The following C11orf65 variants were observed in gnomAD, a reference collection of about 807,000 sequenced individuals.
The protein encoded by C11orf65 is chromosome 11 open reading frame 65.
A neutral mutation model predicts 35.3 loss-of-function variants in C11orf65; 38 were observed. That is an observed-to-expected ratio of 1.08 (90% CI 0.83 to 1.41). The LOEUF is 1.41. C11orf65 is among the 40% of genes most tolerant of loss of function. The probability of loss-of-function intolerance (pLI) is 0.00; values close to 1 mark genes in which losing one functional copy is unlikely to be tolerated. For missense variants in C11orf65, 370 were observed against 367.1 expected (o/e 1.01, Z -0.06); for synonymous variants, 105 against 114.4 (o/e 0.92, Z 0.53).
At chr11:108,331,846 A>C in intron 3 of C11orf65, 1 of 1,604,576 alleles carries the variant, frequency 6.2e-7, no homozygotes, top group South Asian at 1.1e-5. Context: ...TTTTTTGTTT[A>C]TTTGCATAAA....
intron 7 of C11orf65, among the ~76,000 whole-genome samples, chr11:108,387,308 C>A (rs186945494): frequency 0.011 from 1,597 of 151,710 alleles, 21 homozygotes; most frequent in African/African-American, 0.036. Flanking sequence ...GTGCCTGCCA[C>A]CACGCCCGGC....
At chr11:108,331,834 A>AT (rs1433326450) in intron 3 of C11orf65, 3 of 1,591,304 alleles carry the variant, frequency 1.9e-6, no homozygotes, top group Middle Eastern at 1.7e-4. Context: ...TATGGATTAT[A>AT]TTTTTTTGTT....
chr11:108,331,766 C>T (rs532289002), intron 3 of C11orf65: 1 of 1,361,986 alleles, frequency 7.3e-7, no homozygotes, highest in Non-Finnish European at 1.0e-6. Context: ...CATACACGCT[C>T]TACCCACTGC....
At chr11:108,453,873 T>C (rs985766031) in intron 2 of C11orf65, among the ~76,000 whole-genome samples, 1 of 152,254 alleles carries the variant, frequency 6.6e-6, no homozygotes, top group African/African-American at 2.4e-5. Flanking sequence ...TATGATAGCA[T>C]CCTCATCTGG....
At chr11:108,363,517 G>T (rs1591376358) in intron 2 of C11orf65, among the ~76,000 whole-genome samples, 1 of 152,112 alleles carries the variant, frequency 6.6e-6, no homozygotes, top group Non-Finnish European at 1.5e-5. Flanking sequence ...GCAATGTCTG[G>T]AGGCATTTTT....
intron 2 of C11orf65, among the ~76,000 whole-genome samples, chr11:108,352,083 C>A (rs192575393): frequency 6.6e-6 from 1 of 152,086 alleles, no homozygotes; most frequent in African/African-American, 2.4e-5. Context: ...TCCTGAGTCT[C>A]GTAATAACTA....
chr11:108,423,596 C>T (rs2092853227), intron 3 of C11orf65, among the ~76,000 whole-genome samples: 1 of 152,168 alleles, frequency 6.6e-6, no homozygotes, highest in South Asian at 2.1e-4. Context: ...GATCCCTGAC[C>T]CCCATGCCTC....
rs1215932640 is a variant in C11orf65 at position 108,358,598 on chromosome 11, C to T, written c.227-23306G>A. On this transcript the variant is annotated intron_variant, in intron 2 of 3. Coordinates refer to the C11orf65 transcript ENST00000524755. Reference sequence around the variant, plus strand: ...CCCATCAGACTAACAGCAGATCTCTCGGCAGAAACCCTACAAGCCAGAAGA... The same window carrying T: ...CCCATCAGACTAACAGCAGATCTCTTGGCAGAAACCCTACAAGCCAGAAGA... Among the ~76,000 whole-genome samples, 206 of 125,166 alleles carry T rather than the reference C, an allele frequency of 1.6e-3. 3 individuals are homozygous for T. The highest frequency in any genetic ancestry group is 3.0e-3 in the Non-Finnish European group (177 of 58,730). 82.1% of individuals were successfully genotyped at this position (125,166 alleles called of 152,430 possible). A position where few individuals can be genotyped will look rare whatever the true frequency, so the allele number is the denominator to read the frequency against.
chr11:108,461,635 T>C (rs2093474829), intron 1 of C11orf65, 67 bp from the exon 2 acceptor site: 1 of 1,094,408 alleles, frequency 9.1e-7, no homozygotes, highest in Non-Finnish European at 1.3e-6. Context: ...TTTATTTATT[T>C]ATTTTTTTTA....
intron 6 of C11orf65, chr11:108,309,131 C>T (rs963962885): frequency 6.3e-6 from 6 of 949,454 alleles, no homozygotes; most frequent in African/African-American, 4.9e-5. Context: ...CAAGTCCAAG[C>T]TTGTGCTGTG....
intron 2 of C11orf65, among the ~76,000 whole-genome samples, chr11:108,351,038 C>G (rs1199948134): frequency 1.3e-5 from 2 of 152,078 alleles, no homozygotes; most frequent in Admixed American, 1.3e-4. Context: ...AATGGATGAA[C>G]AAATTGTCGT....
intron 6 of C11orf65, among the ~76,000 whole-genome samples, chr11:108,400,935 C>T (rs2092427577): frequency 6.6e-6 from 1 of 151,858 alleles, no homozygotes; most frequent in South Asian, 2.1e-4. Context: ...TGAAACCCTG[C>T]CTCTACTAAA....
intron 2 of C11orf65, among the ~76,000 whole-genome samples, chr11:108,349,339 G>A (rs1006106738): frequency 3.9e-5 from 6 of 152,154 alleles, no homozygotes; most frequent in African/African-American, 1.4e-4. Context: ...AAAAGGCAAG[G>A]ACTGAATGGA....
intron 6 of C11orf65, among the ~76,000 whole-genome samples, chr11:108,399,748 C>T (rs942715527): frequency 2.6e-5 from 4 of 152,162 alleles, no homozygotes; most frequent in Admixed American, 6.5e-5. Flanking sequence ...AACAGTGCTA[C>T]GTACTCTCAA....
intron 6 of C11orf65, among the ~76,000 whole-genome samples, chr11:108,405,024 T>C (rs1351640831): frequency 1.3e-5 from 2 of 152,238 alleles, no homozygotes; most frequent in Admixed American, 6.5e-5. Context: ...CAACGGGATG[T>C]GGCGAAGTTT....
chr11:108,433,837 G>A (rs887463353), intron 2 of C11orf65, among the ~76,000 whole-genome samples: 6 of 151,974 alleles, frequency 3.9e-5, no homozygotes, highest in Non-Finnish European at 1.5e-5. Context: ...CCTTCTACTG[G>A]GACAGAACCT....
rs1040072844 is a variant in C11orf65 at position 108,439,812 on chromosome 11, T to C, written c.82-7974A>G. Among the ~76,000 whole-genome samples, 8 of 151,932 alleles carry C rather than the reference T, an allele frequency of 5.3e-5. No homozygotes were observed. In the South Asian group the frequency reaches 1.7e-3, roughly 32 times the overall value. On this transcript the variant is annotated intron_variant, in intron 2 of 8. Transcript: ENST00000393084. ...AATAGAGATAACTGGGGTCTGGTGG[T>C]TAGGAGGTTTTTGTTTAATGGGTAC... is the stretch of plus-strand genomic sequence containing the variant.
At chr11:108,333,998 T>A (rs1565538870) in intron 3 of C11orf65, 5 of 1,540,776 alleles carry the variant, frequency 3.2e-6, no homozygotes, top group Non-Finnish European at 4.5e-6. Context: ...TGATTTTTTT[T>A]AAACTAAATT....
chr11:108,343,390 T>TA (rs772813122), intron 2 of C11orf65: 1 of 1,613,386 alleles, frequency 6.2e-7, no homozygotes, highest in Admixed American at 1.7e-5. Context: ...CACCCAAAAT[T>TA]AAAGGTTATT....
Sources: allele counts gnomAD v4.1 joint callset (sites outside exome capture counted in the v4.1 genomes callset), GRCh38; gene constraint gnomAD v4.1.1; transcripts MANE v1.5; gene names NCBI Gene and HGNC (gene_info 2026-07-23, HGNC 2026-07-21).